The following PEX14 variants were observed in gnomAD, a reference collection of about 807,000 sequenced individuals.
PEX14 encodes the protein peroxisomal membrane protein PEX14.
PEX14 carries 15 observed loss-of-function variants against 49.5 expected under a neutral mutation model. That is an observed-to-expected ratio of 0.30 (90% CI 0.20 to 0.47). PEX14 has a LOEUF of 0.47. Ranked by LOEUF, PEX14 falls within the 20% of genes least tolerant of loss-of-function variation. PEX14 has a pLI of 1.00. For missense variants in PEX14, 398 were observed against 494.8 expected, an observed-to-expected ratio of 0.80 and a Z score of 1.86; for synonymous variants, 210 against 212.7, an observed-to-expected ratio of 0.99 and a Z score of 0.11.
At chr1:10,540,588 C>A (rs1638972529) in intron 3 of PEX14, among the ~76,000 whole-genome samples, 1 of 125,362 alleles carries the variant, frequency 8.0e-6, no homozygotes, top group African/African-American at 2.5e-5. Flanking sequence ...TGTGTTTCCT[C>A]CCCCATCTCC....
At position 10,537,341 on chromosome 1, in the gene PEX14, A is replaced by ACCCCCCCCCCCCCCCCCCCCC. The variant is rs34410254; in HGVS notation, c.169+1056_169+1057insCCCCCCCCCCCCCCCCCCCCC. On this transcript the variant is annotated intron_variant, in intron 3 of 8. Coordinates refer to ENST00000356607, the MANE Select transcript of PEX14 (RefSeq NM_004565.3). ...TGCTCACTGGCTGCATTGTGCCAGC[A>ACCCCCCCCCCCCCCCCCCCCC]CCCCCCCCCCCCGCCATCATTAGGA... Among the ~76,000 whole-genome samples the ACCCCCCCCCCCCCCCCCCCCC allele has an allele frequency of 2.5e-4, 7 of 28,430 alleles. 2 individuals are homozygous for ACCCCCCCCCCCCCCCCCCCCC. The highest frequency in any genetic ancestry group is 9.9e-4 in the African/African-American group (7 of 7,082). The allele number at this position is 28,430 out of a possible 152,430, so 18.7% of individuals were successfully genotyped here. A position where few individuals can be genotyped will look rare whatever the true frequency, so the allele number is the denominator to read the frequency against.
intron 3 of PEX14, among the ~76,000 whole-genome samples, chr1:10,540,601 G>GAA (rs59541219): frequency 4.7e-5 from 7 of 150,520 alleles, no homozygotes; most frequent in South Asian, 2.1e-4. Context: ...CCATCTCCAG[G>GAA]AAAAAAAAAA....
intron 3 of PEX14, among the ~76,000 whole-genome samples, chr1:10,540,782 C>T (rs1638979703): frequency 6.6e-6 from 1 of 152,198 alleles, no homozygotes; most frequent in African/African-American, 2.4e-5. Flanking sequence ...CCAGCTCCCA[C>T]CCCTTGCTTG....
In PEX14 at chr1:10,629,898, G is replaced by C. The variant is rs761293091; in HGVS notation, c.1045G>C (p.Asp349His). The C allele has an allele frequency of 6.2e-7, 1 of 1,613,548 alleles. No individual in the cohort carries two copies. Among genetic ancestry groups the C allele is most frequent in the South Asian group, 1.1e-5 (1 of 91,058 alleles). ...EEDCLGVQREDRRGGDGQINE... is the reference protein window; with the variant it reads ...EEDCLGVQREHRRGGDGQINE... ...GGACTGCCTGGGGGTGCAGAGGGAG[G>C]ACCGCCGGGGCGGGGATGGGCAGAT... is the stretch of plus-strand genomic sequence containing the variant. The change falls in exon 9 of 9, where the codon GAC becomes CAC. Residue 349 changes from aspartate to histidine, a missense_variant. Physicochemically the swap from Asp to His is moderately conservative, Grantham distance 81. Coordinates refer to ENST00000356607, the MANE Select transcript of PEX14 (RefSeq NM_004565.3). The surrounding 1 kb of genome is among the most constrained non-coding windows in gnomAD (Gnocchi z 8.5).
chr1:10,533,480 A>G lies in PEX14; in HGVS notation c.85-2733A>G, dbSNP rs1638706338. ...TCAATTTCATCTCCCTTCCAAATTCATTTTTCTTGCTTTTTTAAAAGGTGT... is the reference window on the plus strand; with the variant it reads ...TCAATTTCATCTCCCTTCCAAATTCGTTTTTCTTGCTTTTTTAAAAGGTGT... On this transcript the variant is annotated intron_variant, in intron 2 of 8. Transcript: ENST00000356607. Among the ~76,000 whole-genome samples the G allele has an allele frequency of 2.0e-5, 3 of 152,146 alleles. No individual in the cohort carries two copies. In the South Asian group the frequency reaches 6.2e-4, roughly 32 times the overall value.
intron 4 of PEX14, among the ~76,000 whole-genome samples, chr1:10,610,491 T>A (rs1428469371): frequency 1.3e-5 from 2 of 151,802 alleles, no homozygotes; most frequent in Non-Finnish European, 2.9e-5. Flanking sequence ...CGTTTTTCTT[T>A]TTTTTTTGAG....
At chr1:10,508,958 A>G (rs1641837080) in intron 2 of PEX14, among the ~76,000 whole-genome samples, 1 of 148,652 alleles carries the variant, frequency 6.7e-6, no homozygotes, top group Non-Finnish European at 1.5e-5. Flanking sequence ...TTTTTTTGAG[A>G]CGGAGTCTCG....
At chr1:10,627,457 C>A in intron 8 of PEX14, 94 bp downstream of exon 8, 1 of 847,082 alleles carries the variant, frequency 1.2e-6, no homozygotes, top group Non-Finnish European at 2.0e-6. Context: ...CCCACCCCCA[C>A]CCCCAAGGAC....
At chr1:10,576,314 A>G (rs1177420058) in intron 3 of PEX14, among the ~76,000 whole-genome samples, 1 of 152,178 alleles carries the variant, frequency 6.6e-6, no homozygotes, top group East Asian at 1.9e-4. Flanking sequence ...GTAACAGCTA[A>G]CATGTATTGA....
In PEX14 at chr1:10,495,779, C is replaced by T. The variant is rs1025520364; in HGVS notation, c.84+458C>T. Among the ~76,000 whole-genome samples, 3 of 152,184 alleles carry T rather than the reference C, an allele frequency of 2.0e-5. No homozygotes were observed. Among genetic ancestry groups the T allele is most frequent in the South Asian group, 2.1e-4 (1 of 4,834 alleles). ...GTAATTGTGTGATTGTCATTCCCAA[C>T]GCTGTCTTCTTAGACTATGGATAGG... is the stretch of plus-strand genomic sequence containing the variant. On this transcript the variant is annotated intron_variant, in intron 2 of 8. Transcript: ENST00000356607. This position sits in a 1 kb window ranked among gnomAD's most constrained non-coding sequence, Gnocchi z 4.2.
At position 10,495,120 on chromosome 1, in the gene PEX14, G is replaced by A. The variant is rs1267216605; in HGVS notation, c.37-154G>A. Reference sequence around the variant, plus strand: ...CTCTTTGGGCTACTTTTTACAGGTAGTCCACTGCAAAATACTCTTGTGTCG... The same window carrying A: ...CTCTTTGGGCTACTTTTTACAGGTAATCCACTGCAAAATACTCTTGTGTCG... On this transcript the variant is annotated intron_variant, in intron 1 of 8. Transcript: ENST00000356607. This position sits in a 1 kb window ranked among gnomAD's most constrained non-coding sequence, Gnocchi z 4.2. The A allele has an allele frequency of 1.0e-6, 1 of 984,564 alleles. No homozygotes were observed. Among genetic ancestry groups the A allele is most frequent in the Non-Finnish European group, 1.2e-6 (1 of 829,150 alleles). 61.0% of individuals were successfully genotyped at this position (984,564 alleles called of 1,614,324 possible).
chr1:10,511,322 T>C (rs1428540753), intron 2 of PEX14, among the ~76,000 whole-genome samples: 1 of 152,230 alleles, frequency 6.6e-6, no homozygotes, highest in African/African-American at 2.4e-5. Flanking sequence ...CTTTCATTAC[T>C]GTCTCTTTCT....
At chr1:10,568,040 C>T (rs1264661426) in intron 3 of PEX14, among the ~76,000 whole-genome samples, 2 of 152,122 alleles carry the variant, frequency 1.3e-5, no homozygotes, top group African/African-American at 4.8e-5. Flanking sequence ...ATGTTGACAC[C>T]TAGCTAGATA....
At chr1:10,493,085 G>A (rs367906714) in intron 1 of PEX14, among the ~76,000 whole-genome samples, 95 of 152,320 alleles carry the variant, frequency 6.2e-4, no homozygotes, top group African/African-American at 2.0e-3. Context: ...AGGCCAGTGC[G>A]TCTGTCAGGG....
intron 4 of PEX14, among the ~76,000 whole-genome samples, chr1:10,603,014 A>G (rs909781435): frequency 6.6e-6 from 1 of 152,094 alleles, no homozygotes; most frequent in African/African-American, 2.4e-5. Context: ...TTCCAAGACC[A>G]CCCCAGGGAG....
At chr1:10,592,360 A>G (rs1557862910) in intron 3 of PEX14, among the ~76,000 whole-genome samples, 4 of 152,332 alleles carry the variant, frequency 2.6e-5, no homozygotes, top group South Asian at 2.1e-4. Flanking sequence ...TCGATCAAAT[A>G]TCAAAAATAA....
At chr1:10,566,438 A>T (rs1402596544) in intron 3 of PEX14, among the ~76,000 whole-genome samples, 1 of 151,696 alleles carries the variant, frequency 6.6e-6, no homozygotes, top group Non-Finnish European at 1.5e-5. Flanking sequence ...TTTGTTTATG[A>T]TGCTTTTGTC....
chr1:10,562,154 C>A (rs1639669690), intron 3 of PEX14, among the ~76,000 whole-genome samples: 1 of 152,166 alleles, frequency 6.6e-6, no homozygotes, highest in African/African-American at 2.4e-5. Context: ...CGCACTGCCC[C>A]CTGCTGCCCC....
At chr1:10,534,278 T>G (rs1638734235) in intron 2 of PEX14, among the ~76,000 whole-genome samples, 1 of 152,156 alleles carries the variant, frequency 6.6e-6, no homozygotes, top group Non-Finnish European at 1.5e-5. Context: ...CTGTGCAGAC[T>G]GGCGCTGACC....
Sources: gnomAD v4.1 joint callset for allele counts (sites outside exome capture counted in the v4.1 genomes callset) on GRCh38, gnomAD v4.1.1 for gene constraint, Gnocchi (gnomAD v3.1) non-coding constraint, MANE v1.5 for transcripts, NCBI Gene and HGNC (gene_info 2026-07-23, HGNC 2026-07-21) for gene names.